The following UNC13C variants were observed in gnomAD, a reference collection of about 807,000 sequenced individuals.
The protein encoded by UNC13C is unc-13 homolog C, also known as protein unc-13 homolog C.
Under a neutral mutation model 245.4 loss-of-function variants are expected in UNC13C, and 174 were observed. The observed-to-expected ratio is 0.71, with a 90% CI of 0.63 to 0.80. The LOEUF is 0.80. UNC13C is among the 30% of genes least tolerant of loss of function. The pLI is 0.00. For missense variants in UNC13C, 2,829 were observed against 2,602.9 expected (o/e 1.09, Z -1.89); for synonymous variants, 992 against 895.1 (o/e 1.11, Z -1.93).
chr15:54,478,313 T>G (rs12899225), intron 19 of UNC13C, among the ~76,000 whole-genome samples: 13 of 113,014 alleles, frequency 1.2e-4, no homozygotes, highest in African/African-American at 4.1e-4. Context: ...TATTTCCTTC[T>G]GTTCTGCTCT....
At position 54,451,488 on chromosome 15, in the gene UNC13C, G is replaced by A. The variant is rs535743012; in HGVS notation, c.4933+36421G>A. Among the ~76,000 whole-genome samples, 6 of 151,974 alleles carry A rather than the reference G, an allele frequency of 3.9e-5. No individual in the cohort carries two copies. In the East Asian group the frequency reaches 1.2e-3, roughly 29 times the overall value. On this transcript the variant is annotated intron_variant, in intron 19 of 32. Coordinates refer to ENST00000260323, the MANE Select transcript of UNC13C (RefSeq NM_001080534.3). ...CTCTTTTTAAAAAAATTGTCTGACTGGATTATTTTAAAGACCTGTCTTTAA... is the reference window on the plus strand; with the variant it reads ...CTCTTTTTAAAAAAATTGTCTGACTAGATTATTTTAAAGACCTGTCTTTAA...
At chr15:54,080,461 T>C (rs1380945425) in intron 2 of UNC13C, among the ~76,000 whole-genome samples, 1 of 152,058 alleles carries the variant, frequency 6.6e-6, no homozygotes, top group African/African-American at 2.4e-5. Context: ...GGGTTTTTTT[T>C]AGTTGGTAGA....
chr15:54,135,836 A>T (rs1170796976), intron 2 of UNC13C, among the ~76,000 whole-genome samples: 1 of 152,092 alleles, frequency 6.6e-6, no homozygotes, highest in African/African-American at 2.4e-5. Context: ...TTCTGTAAAA[A>T]AGCCATTGGA....
At chr15:54,312,266 C>T (rs950653834) in intron 13 of UNC13C, among the ~76,000 whole-genome samples, 14 of 151,484 alleles carry the variant, frequency 9.2e-5, no homozygotes, top group Non-Finnish European at 4.4e-5. Context: ...TTTTATCCTG[C>T]TTGTTTTGGC....
intron 26 of UNC13C, among the ~76,000 whole-genome samples, chr15:54,536,039 CAG>C (rs1455787127): frequency 6.6e-6 from 1 of 151,794 alleles, no homozygotes; most frequent in Non-Finnish European, 1.5e-5. Flanking sequence ...ATCAGTGAAA[CAG>C]AGTTTGTTTT....
chr15:54,429,592 A>G lies in UNC13C; in HGVS notation c.4933+14525A>G, dbSNP rs889471577. ...AGCATAATAGAGGTGGATAATTTCC[A>G]TTATAAATAGGTATTGATATTTGTG... On this transcript the variant is annotated intron_variant, in intron 19 of 32. Transcript: ENST00000260323. Among the ~76,000 whole-genome samples the G allele has an allele frequency of 3.3e-5, 5 of 151,840 alleles. No homozygotes were observed. The East Asian group carries it at 7.8e-4, about 24-fold the overall frequency.
intron 26 of UNC13C, among the ~76,000 whole-genome samples, chr15:54,545,172 A>C (rs765784777): frequency 2.0e-5 from 3 of 152,208 alleles, no homozygotes; most frequent in Non-Finnish European, 4.4e-5. Flanking sequence ...ATATTGAACA[A>C]ACCTGACAAA....
the UNC13C span, among the ~76,000 whole-genome samples, chr15:53,933,611 C>T: frequency 2.0e-5 from 3 of 152,138 alleles, no homozygotes; most frequent in Non-Finnish European, 4.4e-5. Flanking sequence ...AGCCATAGAC[C>T]TTAACACGCA....
At chr15:53,851,609 A>G in the UNC13C span, among the ~76,000 whole-genome samples, 1 of 152,156 alleles carries the variant, frequency 6.6e-6, no homozygotes, top group South Asian at 2.1e-4. Flanking sequence ...TGTGGGTCAT[A>G]AACCCTCATT....
intron 2 of UNC13C, among the ~76,000 whole-genome samples, chr15:54,080,783 G>T (rs1314303456): frequency 1.3e-5 from 2 of 151,710 alleles, no homozygotes; most frequent in African/African-American, 4.8e-5. Flanking sequence ...TTGTTTTGTT[G>T]ATCCTTTGTT....
chr15:54,057,770 C>A (rs1897605272), intron 2 of UNC13C, among the ~76,000 whole-genome samples: 1 of 152,162 alleles, frequency 6.6e-6, no homozygotes, highest in African/African-American at 2.4e-5. Flanking sequence ...TCTCTCAGAC[C>A]ACAGTGCAAT....
In UNC13C at chr15:54,317,738, G is replaced by T. The variant is rs554587118; in HGVS notation, c.4269-4201G>T. Among the ~76,000 whole-genome samples, 103 of 151,852 alleles carry T rather than the reference G, an allele frequency of 6.8e-4. 3 individuals are homozygous for T. In the South Asian group the frequency reaches 0.02, roughly 30 times the overall value. ...CATCTCACATAGTTATCATTTTTGT[G>T]GGAGAACTTTTAACATCCGTTCTCC... On this transcript the variant is annotated intron_variant, in intron 13 of 32. Transcript: ENST00000260323.
chr15:54,354,396 T>C (rs2140849367), intron 17 of UNC13C, among the ~76,000 whole-genome samples: 1 of 152,330 alleles, frequency 6.6e-6, no homozygotes, highest in Non-Finnish European at 1.5e-5. Context: ...TCGGTGCTGC[T>C]TCTACTGATT....
At chr15:54,409,635 A>G (rs989116016) in intron 18 of UNC13C, among the ~76,000 whole-genome samples, 3 of 152,122 alleles carry the variant, frequency 2.0e-5, no homozygotes, top group African/African-American at 4.8e-5. Context: ...CTGATATTTA[A>G]TTTGTGTTCC....
At chr15:54,464,765 T>C (rs184593916) in intron 19 of UNC13C, among the ~76,000 whole-genome samples, 3 of 152,226 alleles carry the variant, frequency 2.0e-5, no homozygotes, top group South Asian at 2.1e-4. Flanking sequence ...ATTAATGTAA[T>C]GTTAGGAGAA....
chr15:54,014,105 G>GC lies in UNC13C; in HGVS notation c.1203dup (p.Ile402HisfsTer11), dbSNP rs1331992361. 1.2e-6 allele frequency: 2 copies of GC among 1,613,634 alleles called. No homozygotes were observed. Among genetic ancestry groups the GC allele is most frequent in the Non-Finnish European group, 1.7e-6 (2 of 1,179,808 alleles). ...AAGTCATATAAACTCAAAGGAACAG[G>GC]CATTGGAATCTCAACAGATATTCTA... On this transcript the variant is annotated frameshift_variant, in exon 2 of 33. Transcript: ENST00000260323. LOFTEE classifies it high-confidence loss of function.
Position 53,990,149 on chromosome 15 carries a change from T to C in UNC13C, c.-257+11222T>C, listed in dbSNP as rs1182093604. ...CTCACTGAAAGAGAGATAGATATGTTTACCCTATTAAAACATACTCTCTTA... is the reference window on the plus strand; with the variant it reads ...CTCACTGAAAGAGAGATAGATATGTCTACCCTATTAAAACATACTCTCTTA... On this transcript the variant is annotated intron_variant, in intron 1 of 32. Coordinates refer to ENST00000260323, the MANE Select transcript of UNC13C (RefSeq NM_001080534.3). Among the ~76,000 whole-genome samples the C allele has an allele frequency of 3.9e-5, 6 of 151,986 alleles. No homozygotes were observed. The East Asian group carries it at 1.2e-3, about 29-fold the overall frequency.
At chr15:53,940,415 G>A in the UNC13C span, among the ~76,000 whole-genome samples, 3 of 152,068 alleles carry the variant, frequency 2.0e-5, no homozygotes, top group African/African-American at 4.8e-5. Context: ...ACAAGATAAG[G>A]ATGCCCTCTC....
chr15:54,235,538 AT>A (rs750890612), intron 5 of UNC13C, among the ~76,000 whole-genome samples: 18 of 152,214 alleles, frequency 1.2e-4, no homozygotes, highest in Non-Finnish European at 2.1e-4. Flanking sequence ...TCAACTCTTC[AT>A]TTTATTATAT....
Sources: gnomAD v4.1 joint callset for allele counts (sites outside exome capture counted in the v4.1 genomes callset) on GRCh38, gnomAD v4.1.1 for gene constraint, MANE v1.5 for transcripts, NCBI Gene and HGNC (gene_info 2026-07-23, HGNC 2026-07-21) for gene names.